PCDHA1: variants seen among roughly 807,000 people sequenced by gnomAD.
PCDHA1 encodes protocadherin alpha 1.
PCDHA1 carries 42 observed loss-of-function variants against 61.3 expected under a neutral mutation model. The observed-to-expected ratio is 0.69, with a 90% confidence interval of 0.54 to 0.89. The LOEUF (loss-of-function observed/expected upper bound fraction) is 0.89, where lower values mean the gene tolerates loss of function less well. Ranked by LOEUF, PCDHA1 falls within the 40% of genes least tolerant of loss-of-function variation. PCDHA1 has a pLI of 0.00. For missense variants in PCDHA1, 1,256 were observed against 1,235.3 expected (o/e 1.02, Z -0.25); for synonymous variants, 610 against 553.8 (o/e 1.10, Z -1.43).
At chr5:140,907,229 A>C (rs1562959472) in intron 1 of PCDHA1, among the ~76,000 whole-genome samples, 1 of 152,180 alleles carries the variant, frequency 6.6e-6, no homozygotes, top group Non-Finnish European at 1.5e-5. Flanking sequence ...AAGTATTGTC[A>C]CCTAGTTGAC....
At chr5:140,823,741 C>G (rs782777236) in intron 1 of PCDHA1, 1 of 1,613,838 alleles carries the variant, frequency 6.2e-7, no homozygotes, top group African/African-American at 1.3e-5. Context: ...CCATGGAGAG[C>G]CCCCGCTGAC....
chr5:140,849,747 G>A (rs2150448012), intron 1 of PCDHA1: 2 of 1,598,328 alleles, frequency 1.3e-6, no homozygotes, highest in South Asian at 1.1e-5. Flanking sequence ...CCGCGAGAGT[G>A]TGTCCGCCTA....
intron 1 of PCDHA1, chr5:140,829,395 T>C (rs1554131925): frequency 3.7e-6 from 6 of 1,614,052 alleles, no homozygotes; most frequent in Non-Finnish European, 5.1e-6. Flanking sequence ...TCGCCTTCGC[T>C]GTGGGCCACC....
chr5:140,923,256 TAGTG>T (rs2153568044), intron 1 of PCDHA1, among the ~76,000 whole-genome samples: 1 of 152,302 alleles, frequency 6.6e-6, no homozygotes, highest in African/African-American at 2.4e-5. Context: ...CTGGGCAACA[TAGTG>T]AGACCTTGTC....
At chr5:140,875,691 C>A (rs1554167867) in intron 1 of PCDHA1, 2 of 1,614,036 alleles carry the variant, frequency 1.2e-6, no homozygotes, top group South Asian at 1.1e-5. Flanking sequence ...GACACGGGGA[C>A]CTTCTGGAGG....
chr5:140,833,186 T>C (rs1772344367), intron 1 of PCDHA1, among the ~76,000 whole-genome samples: 1 of 152,064 alleles, frequency 6.6e-6, no homozygotes, highest in Admixed American at 6.6e-5. Flanking sequence ...ACTGCAAGGA[T>C]TAAATGAAGG....
intron 1 of PCDHA1, chr5:140,866,423 G>A (rs2049350651): frequency 6.6e-6 from 1 of 151,088 alleles, no homozygotes; most frequent in South Asian, 2.1e-4. Flanking sequence ...ATGTGTGTAG[G>A]TCTTTCAGTC....
chr5:140,971,922 G>A (rs1433994919), intron 1 of PCDHA1, among the ~76,000 whole-genome samples: 1 of 152,120 alleles, frequency 6.6e-6, no homozygotes, highest in Admixed American at 6.5e-5. Context: ...CACACTGCTA[G>A]TGTTATTTTA....
intron 1 of PCDHA1, chr5:140,883,477 C>CTACT: frequency 6.2e-7 from 1 of 1,614,172 alleles, no homozygotes; most frequent in Middle Eastern, 1.7e-4. Context: ...CCTACAAGAA[C>CTACT]TACTACTCAT....
rs185233104 is a variant in PCDHA1, at chr5:140,979,751, C to T, written c.2453+744C>T. 6.6e-5 allele frequency among the ~76,000 whole-genome samples: 10 copies of T among 152,136 alleles called. No individual in the cohort carries two copies. The South Asian group carries it at 1.2e-3, about 19-fold the overall frequency. On this transcript the variant is annotated intron_variant, in intron 2 of 3. Coordinates refer to ENST00000504120, the MANE Select transcript of PCDHA1 (RefSeq NM_018900.4). ...GGCCAAATAAAAGATTCATTATTTG[C>T]GAATGTCTTTGGAAACCAAATGGGA...
chr5:140,838,683 C>T (rs1775834652), intron 1 of PCDHA1, among the ~76,000 whole-genome samples: 2 of 151,884 alleles, frequency 1.3e-5, no homozygotes, highest in Admixed American at 1.3e-4. Flanking sequence ...CACCTTTAAC[C>T]CCAACATTTC....
rs1380123980 is a variant in PCDHA1 at position 140,841,792 on chromosome 5, G to T, written c.2394+53108G>T. On this transcript the variant is annotated intron_variant, in intron 1 of 3. Coordinates refer to ENST00000504120, the MANE Select transcript of PCDHA1 (RefSeq NM_018900.4). ...ACTCTCGGTTTCCGCTAGAGGGCGCGTCCGATGCAGATGTTGGAGCTAACT... is the reference window on the plus strand; with the variant it reads ...ACTCTCGGTTTCCGCTAGAGGGCGCTTCCGATGCAGATGTTGGAGCTAACT... 5.6e-6 allele frequency: 9 copies of T among 1,613,798 alleles called. No homozygotes were observed. The South Asian group carries it at 7.7e-5, about 14-fold the overall frequency.
At position 140,857,447 on chromosome 5, in the gene PCDHA1, A is replaced by G; in HGVS notation, c.2394+68763A>G. On this transcript the variant is annotated intron_variant, in intron 1 of 3. Transcript: ENST00000504120. ...GTACACGGTGTTCGTGAAGGAGAACAACCCGCCAGGCTGCCACATCTTCAC... is the reference window on the plus strand; with the variant it reads ...GTACACGGTGTTCGTGAAGGAGAACGACCCGCCAGGCTGCCACATCTTCAC... 2 of 1,598,502 alleles carry G rather than the reference A, an allele frequency of 1.3e-6. 1 individual carries two copies. The highest frequency in any genetic ancestry group is 1.7e-6 in the Non-Finnish European group (2 of 1,167,850).
At chr5:140,843,503 A>C in intron 1 of PCDHA1, 1 of 1,595,796 alleles carries the variant, frequency 6.3e-7, no homozygotes. Flanking sequence ...AGCACTGCCC[A>C]CTGAGGGCGG....
chr5:140,938,439 A>C (rs2092064072), intron 1 of PCDHA1, among the ~76,000 whole-genome samples: 1 of 152,208 alleles, frequency 6.6e-6, no homozygotes, highest in African/African-American at 2.4e-5. Flanking sequence ...TATCAGATTT[A>C]TTAAGTTCCC....
At position 140,843,387 on chromosome 5, in the gene PCDHA1, C is replaced by G. The variant is rs782229636; in HGVS notation, c.2394+54703C>G. On this transcript the variant is annotated intron_variant, in intron 1 of 3. Transcript: ENST00000504120. ...AGGCAGTCGGCTGGCGTTTTGGGTC[C>G]GGAAGCGGCGCTGGTGGATGTCAAC... 7 of 1,595,950 alleles carry G rather than the reference C, an allele frequency of 4.4e-6. 1 individual carries two copies. The Admixed American group carries it at 1.2e-4, about 27-fold the overall frequency.
At chr5:140,869,892 A>G in intron 1 of PCDHA1, 1 of 1,610,608 alleles carries the variant, frequency 6.2e-7, no homozygotes, top group Non-Finnish European at 8.5e-7. Context: ...TTGTGCTCAA[A>G]CTAAACGCCA....
chr5:140,896,735 T>C (rs930657295), intron 1 of PCDHA1, among the ~76,000 whole-genome samples: 8 of 152,166 alleles, frequency 5.3e-5, no homozygotes, highest in Non-Finnish European at 4.4e-5. Context: ...TTTAAGTTCC[T>C]TATAGATTCT....
chr5:140,838,467 T>A (rs1775746524), intron 1 of PCDHA1, among the ~76,000 whole-genome samples: 1 of 151,796 alleles, frequency 6.6e-6, no homozygotes, highest in South Asian at 2.1e-4. Flanking sequence ...TCATTAGCGC[T>A]TATTCCTTGT....
Sources: gnomAD v4.1 joint callset for allele counts (sites outside exome capture counted in the v4.1 genomes callset) on GRCh38, gnomAD v4.1.1 for gene constraint, MANE v1.5 for transcripts, NCBI Gene and HGNC (gene_info 2026-07-23, HGNC 2026-07-21) for gene names.